Variants in GABRB3 observed in about 807,000 individuals in gnomAD.
GABRB3 encodes the protein gamma-aminobutyric acid receptor subunit beta-3.
Under a neutral mutation model 52.1 loss-of-function variants are expected in GABRB3, and 14 were observed. That is an observed-to-expected ratio of 0.27 (90% CI 0.18 to 0.42). The LOEUF (loss-of-function observed/expected upper bound fraction) is 0.42. GABRB3 is among the 10% of genes least tolerant of loss of function. The pLI is 1.00. For synonymous variants in GABRB3, 260 were observed against 232.3 expected, an observed-to-expected ratio of 1.12 and a Z score of -1.08; for missense variants, 307 against 609.1, an observed-to-expected ratio of 0.50 and a Z score of 5.22.
At chr15:26,737,102 A>G (rs978298147) in intron 3 of GABRB3, among the ~76,000 whole-genome samples, 12 of 152,238 alleles carry the variant, frequency 7.9e-5, no homozygotes, top group African/African-American at 1.4e-4. Context: ...GGTCTGTTCC[A>G]GAGAACACGG....
intron 3 of GABRB3, among the ~76,000 whole-genome samples, chr15:26,760,894 C>T (rs899720104): frequency 2.6e-5 from 4 of 151,776 alleles, no homozygotes; most frequent in Non-Finnish European, 5.9e-5. Context: ...TCCGGATCTG[C>T]TTTCATTTAC....
chr15:26,695,102 GAAGA>G (rs1443924064), intron 3 of GABRB3, among the ~76,000 whole-genome samples: 2 of 152,120 alleles, frequency 1.3e-5, no homozygotes, highest in African/African-American at 2.4e-5. Context: ...GGTAATAACA[GAAGA>G]AAGACAGGAA....
chr15:26,762,524 GAAA>G (rs530816281), intron 3 of GABRB3, among the ~76,000 whole-genome samples: 1 of 151,068 alleles, frequency 6.6e-6, no homozygotes, highest in African/African-American at 2.4e-5. Flanking sequence ...CCTTCACAAA[GAAA>G]AAAAAATTTC....
At chr15:26,755,648 G>C (rs1031791953) in intron 3 of GABRB3, among the ~76,000 whole-genome samples, 2 of 152,134 alleles carry the variant, frequency 1.3e-5, no homozygotes, top group African/African-American at 4.8e-5. Flanking sequence ...AATAGAAATT[G>C]ATTCTAGAAG....
At chr15:26,728,611 T>C (rs1889832192) in intron 3 of GABRB3, among the ~76,000 whole-genome samples, 1 of 152,186 alleles carries the variant, frequency 6.6e-6, no homozygotes, top group African/African-American at 2.4e-5. Flanking sequence ...AAAATATTCA[T>C]AATGGAGAGA....
chr15:26,547,425 C>T lies in GABRB3; in HGVS notation c.*368G>A, dbSNP rs1889296132. 6.8e-6 allele frequency: 3 copies of T among 443,372 alleles called. No individual in the cohort carries two copies. The highest frequency in any genetic ancestry group is 1.2e-5 in the Non-Finnish European group (3 of 252,352). The allele number at this position is 443,372 out of a possible 1,614,324, so 27.5% of individuals were successfully genotyped here. ...GGGATGATATTGTGTTTCACGCCCTCATTCTCAAGGCATAATATTTAGATG... is the reference window on the plus strand; with the variant it reads ...GGGATGATATTGTGTTTCACGCCCTTATTCTCAAGGCATAATATTTAGATG... On this transcript the variant is annotated 3_prime_UTR_variant, in exon 9 of 9. Transcript: ENST00000311550.
intron 4 of GABRB3, among the ~76,000 whole-genome samples, chr15:26,603,842 G>A (rs1216323640): frequency 6.6e-6 from 1 of 152,040 alleles, no homozygotes; most frequent in Non-Finnish European, 1.5e-5. Context: ...AAAACTGAAA[G>A]CCTCACCTCT....
At chr15:26,707,868 T>C (rs548453734) in intron 3 of GABRB3, among the ~76,000 whole-genome samples, 2 of 152,278 alleles carry the variant, frequency 1.3e-5, no homozygotes, top group East Asian at 1.9e-4. Context: ...AAATGATACA[T>C]AGGTGAGGAT....
At chr15:26,735,686 T>A (rs1341318669) in intron 3 of GABRB3, among the ~76,000 whole-genome samples, 5 of 152,206 alleles carry the variant, frequency 3.3e-5, no homozygotes, top group Admixed American at 3.3e-4. Context: ...CAGTGGCTCA[T>A]GTCTGTAACC....
chr15:26,631,102 G>A (rs751994), intron 3 of GABRB3, among the ~76,000 whole-genome samples: 40,535 of 152,086 alleles, frequency 0.27, 6,981 homozygotes, highest in East Asian at 0.77. Context: ...TGTAGAGGAA[G>A]CCCTGAGTGC....
chr15:26,657,987 A>C (rs953432180), intron 3 of GABRB3, among the ~76,000 whole-genome samples: 3 of 152,186 alleles, frequency 2.0e-5, no homozygotes, highest in African/African-American at 7.2e-5. Flanking sequence ...ATGGCTAGGG[A>C]GTCATGCAGC....
intron 3 of GABRB3, among the ~76,000 whole-genome samples, chr15:26,738,204 T>C (rs2140157625): frequency 6.6e-6 from 1 of 152,252 alleles, no homozygotes; most frequent in Non-Finnish European, 1.5e-5. Flanking sequence ...TGCCTCAGCC[T>C]CCCACGTAGC....
intron 3 of GABRB3, among the ~76,000 whole-genome samples, chr15:26,701,064 A>AG (rs1373833541): frequency 6.7e-6 from 1 of 150,346 alleles, no homozygotes; most frequent in Admixed American, 6.6e-5. Context: ...AAAAAAAAAA[A>AG]CAACAAAAAA....
chr15:26,719,995 C>T (rs1159352450), intron 3 of GABRB3, among the ~76,000 whole-genome samples: 6 of 152,142 alleles, frequency 3.9e-5, no homozygotes, highest in African/African-American at 1.2e-4. Context: ...TTTAAATGGC[C>T]TATTCCTGCC....
At chr15:26,644,672 C>T (rs1288393842) in intron 3 of GABRB3, among the ~76,000 whole-genome samples, 1 of 152,156 alleles carries the variant, frequency 6.6e-6, no homozygotes, top group Non-Finnish European at 1.5e-5. Flanking sequence ...CCATGGCAGC[C>T]CTAGCAGACG....
At chr15:26,705,942 G>C (rs1296225643) in intron 3 of GABRB3, among the ~76,000 whole-genome samples, 1 of 152,104 alleles carries the variant, frequency 6.6e-6, no homozygotes, top group African/African-American at 2.4e-5. Context: ...TTCCTATTGG[G>C]TACCATGTTC....
At chr15:26,574,950 G>A (rs1471066289) in intron 6 of GABRB3, among the ~76,000 whole-genome samples, 4 of 152,132 alleles carry the variant, frequency 2.6e-5, no homozygotes, top group Non-Finnish European at 5.9e-5. Flanking sequence ...ATTTTTACTG[G>A]CAATCAAATT....
rs374161476 is a variant in GABRB3, at chr15:26,759,123, C to A, written c.240+13279G>T. Among the ~76,000 whole-genome samples the A allele has an allele frequency of 6.6e-5, 10 of 152,270 alleles. No individual in the cohort carries two copies. In the South Asian group the frequency reaches 1.2e-3, roughly 19 times the overall value. ...AATAAAATCAAGCAATTTTCCTGGT[C>A]TCTCTGCACATCTCTGGTGCAGGCA... On this transcript the variant is annotated intron_variant, in intron 3 of 8. Coordinates refer to ENST00000311550, the MANE Select transcript of GABRB3 (RefSeq NM_000814.6).
At chr15:26,741,764 A>G (rs1315532146) in intron 3 of GABRB3, among the ~76,000 whole-genome samples, 1 of 151,982 alleles carries the variant, frequency 6.6e-6, no homozygotes, top group Non-Finnish European at 1.5e-5. Context: ...ATGCACCACT[A>G]TGTCTGCTAA....
Sources: gnomAD v4.1 joint callset for allele counts (sites outside exome capture counted in the v4.1 genomes callset) on GRCh38, gnomAD v4.1.1 for gene constraint, MANE v1.5 for transcripts, NCBI Gene and HGNC (gene_info 2026-07-23, HGNC 2026-07-21) for gene names.